The following WHRN variants were observed in gnomAD, a reference collection of about 807,000 sequenced individuals.
The protein encoded by WHRN is CASK-interacting protein CIP98.
In WHRN, 41 loss-of-function variants were observed where a neutral mutation model predicts 68.3. The observed-to-expected ratio is 0.60, with a 90% confidence interval of 0.47 to 0.78. The LOEUF (loss-of-function observed/expected upper bound fraction) is 0.78, where lower values mean the gene tolerates loss of function less well. Ranked by LOEUF, WHRN falls within the 30% of genes least tolerant of loss-of-function variation. The pLI is 0.00. For missense variants in WHRN, 1,243 were observed against 1,244.7 expected (o/e 1.00, Z 0.02); for synonymous variants, 560 against 561.3 (o/e 1.00, Z 0.03).
rs764853651 is a variant in WHRN, at chr9:114,402,760, C to T, written c.2718G>A (p.Met906Ile). The change falls in exon 12 of 12, where the codon ATG becomes ATA. Residue 906 changes from methionine (M) to isoleucine (I), a missense_variant. By Grantham distance (10) the Met-to-Ile change is conservative. Transcript: ENST00000362057. ...IDFLVTEFNV[M>I]L ...GGCCCTCAGGCCTTGGCCTCTAGAG[C>T]ATCACATTGAACTCAGTGACCAGAA... 1 of 1,613,910 alleles carries T rather than the reference C, an allele frequency of 6.2e-7. No homozygotes were observed. Among genetic ancestry groups the T allele is most frequent in the Non-Finnish European group, 8.5e-7 (1 of 1,180,034 alleles).
intron 7 of WHRN, among the ~76,000 whole-genome samples, chr9:114,409,489 A>T (rs1050710192): frequency 5.3e-5 from 8 of 152,228 alleles, no homozygotes; most frequent in African/African-American, 1.7e-4. Flanking sequence ...GGTGTAAAGC[A>T]GGAATGGAGA....
At chr9:114,503,920 T>C (rs1348491472) in intron 1 of WHRN, among the ~76,000 whole-genome samples, 2 of 152,216 alleles carry the variant, frequency 1.3e-5, no homozygotes, top group South Asian at 4.1e-4. Flanking sequence ...AACCACACAT[T>C]TGCTCAAGTA....
chr9:114,494,017 T>C (rs1329080313), intron 1 of WHRN, among the ~76,000 whole-genome samples: 1 of 152,200 alleles, frequency 6.6e-6, no homozygotes, highest in East Asian at 1.9e-4. Context: ...GTTCAAATCC[T>C]AGTCCCACCA....
intron 3 of WHRN, among the ~76,000 whole-genome samples, chr9:114,427,416 A>T (rs772384554): frequency 3.3e-5 from 5 of 152,216 alleles, no homozygotes; most frequent in African/African-American, 4.8e-5. Flanking sequence ...GGTTCCTTTC[A>T]CAAATGGGTC....
chr9:114,459,449 C>T (rs973221104), intron 3 of WHRN, among the ~76,000 whole-genome samples: 2 of 118,598 alleles, frequency 1.7e-5, no homozygotes, highest in Non-Finnish European at 3.6e-5. Flanking sequence ...GGCAATAGAG[C>T]GAGAGTTCAT....
chr9:114,410,814 C>T (rs1564120732), intron 7 of WHRN, among the ~76,000 whole-genome samples: 3 of 152,302 alleles, frequency 2.0e-5, no homozygotes, highest in South Asian at 4.1e-4. Context: ...GATGCAAGCG[C>T]GGTATGTGGT....
chr9:114,417,701 T>G (rs1835917642), intron 7 of WHRN, among the ~76,000 whole-genome samples: 1 of 152,240 alleles, frequency 6.6e-6, no homozygotes, highest in African/African-American at 2.4e-5. Context: ...AAAAGCTTAC[T>G]AATATGTGGT....
chr9:114,434,482 T>A (rs1018854316), intron 3 of WHRN, among the ~76,000 whole-genome samples: 1 of 152,076 alleles, frequency 6.6e-6, no homozygotes, highest in Non-Finnish European at 1.5e-5. Flanking sequence ...ATGGCCACCA[T>A]CCTGAACAAG....
intron 10 of WHRN, 146 bp downstream of exon 10, chr9:114,403,750 G>T: frequency 9.9e-7 from 1 of 1,009,070 alleles, no homozygotes; most frequent in South Asian, 1.3e-5. Context: ...GCTCCTCCAG[G>T]ACGTCCAAAT....
At chr9:114,421,673 A>G (rs1271499270) in intron 7 of WHRN, among the ~76,000 whole-genome samples, 1 of 152,214 alleles carries the variant, frequency 6.6e-6, no homozygotes, top group Non-Finnish European at 1.5e-5. Context: ...AGTGGAGCCT[A>G]TCTTAGAGAG....
At position 114,504,309 on chromosome 9, in the gene WHRN, C is replaced by T. The variant is rs533137024; in HGVS notation, c.493G>A (p.Gly165Ser). Residue 165 changes from glycine (G) to serine (S), a missense_variant, in exon 1 of 12, where the codon GGC becomes AGC. Transcript: ENST00000362057. The part of the protein sequence containing the change: ...SIRGGSEHGV[G>S]IYVSLVEPGS... ...GGTTCCACCAGAGACACGTAGATGCCCACGCCGTGCTCCGAGCCCCCACGG... is the reference window on the plus strand; with the variant it reads ...GGTTCCACCAGAGACACGTAGATGCTCACGCCGTGCTCCGAGCCCCCACGG... 1 of 1,612,924 alleles carries T rather than the reference C, an allele frequency of 6.2e-7. No homozygotes were observed. Among genetic ancestry groups the T allele is most frequent in the African/African-American group, 1.3e-5 (1 of 75,078 alleles).
intron 3 of WHRN, among the ~76,000 whole-genome samples, chr9:114,440,005 C>T (rs1195788864): frequency 1.3e-5 from 2 of 152,240 alleles, no homozygotes; most frequent in East Asian, 1.9e-4. Context: ...CTCCGTCTCC[C>T]GGGTTCAAGC....
At chr9:114,441,986 C>T (rs1410981040) in intron 3 of WHRN, among the ~76,000 whole-genome samples, 1 of 152,194 alleles carries the variant, frequency 6.6e-6, no homozygotes, top group Non-Finnish European at 1.5e-5. Flanking sequence ...ACGGGACCCA[C>T]CAAGGACCTG....
intron 7 of WHRN, among the ~76,000 whole-genome samples, chr9:114,416,860 G>A (rs937214532): frequency 1.4e-4 from 22 of 152,248 alleles, no homozygotes; most frequent in Admixed American, 8.5e-4. Flanking sequence ...TCAGCCCACC[G>A]TACAGATGCA....
intron 1 of WHRN, among the ~76,000 whole-genome samples, chr9:114,485,544 T>C (rs1055305602): frequency 2.6e-5 from 4 of 151,872 alleles, no homozygotes; most frequent in Non-Finnish European, 5.9e-5. Flanking sequence ...TACAAAAAAT[T>C]AGCCAGGCAT....
chr9:114,443,832 T>TTATAA (rs1273756545), intron 3 of WHRN, among the ~76,000 whole-genome samples: 1 of 151,906 alleles, frequency 6.6e-6, no homozygotes, highest in Non-Finnish European at 1.5e-5. Context: ...ACTGCATAAT[T>TTATAA]TATAAGGAAA....
At chr9:114,412,064 G>A (rs1056908141) in intron 7 of WHRN, among the ~76,000 whole-genome samples, 2 of 151,946 alleles carry the variant, frequency 1.3e-5, no homozygotes, top group African/African-American at 2.4e-5. Flanking sequence ...AGGGGTAGAC[G>A]AGGGATGAAT....
intron 7 of WHRN, among the ~76,000 whole-genome samples, chr9:114,408,967 A>G (rs1332276763): frequency 6.6e-6 from 1 of 152,218 alleles, no homozygotes; most frequent in Non-Finnish European, 1.5e-5. Context: ...CTCCTCCCTC[A>G]GACACCGGAG....
At chr9:114,494,187 A>G (rs17807115) in intron 1 of WHRN, among the ~76,000 whole-genome samples, 6,553 of 152,290 alleles carry the variant, frequency 0.043, 207 homozygotes, top group South Asian at 0.078. Context: ...AGTGGTGGTG[A>G]TATTTTTTAG....
Sources: allele counts gnomAD v4.1 joint callset (sites outside exome capture counted in the v4.1 genomes callset), GRCh38; gene constraint gnomAD v4.1.1; transcripts MANE v1.5; gene names NCBI Gene and HGNC (gene_info 2026-07-23, HGNC 2026-07-21).